PCDH7: variants seen among roughly 807,000 people sequenced by gnomAD.
PCDH7 encodes the protein protocadherin 7, also known as protocadherin-7.
In PCDH7, 17 loss-of-function variants were observed where a neutral mutation model predicts 58.9. The ratio of observed to expected loss-of-function variants is 0.29; its 90% CI spans 0.20 to 0.43. The LOEUF is 0.43. Among genes scored for constraint, PCDH7 ranks in the 20% least tolerant of loss-of-function variants. The pLI, the probability that PCDH7 is intolerant of heterozygous loss-of-function variation, is 1.00. For synonymous variants in PCDH7, 664 were observed against 616.4 expected (o/e 1.08, Z -1.14); for missense variants, 1,274 against 1,441.0 (o/e 0.88, Z 1.88).
At chr4:30,749,955 C>T (rs374062738) in intron 1 of PCDH7, among the ~76,000 whole-genome samples, 3 of 152,046 alleles carry the variant, frequency 2.0e-5, no homozygotes, top group African/African-American at 4.8e-5. Context: ...TCTATTTACA[C>T]AGTTCTGGAG....
chr4:31,069,794 T>C (rs1758391600), intron 3 of PCDH7, among the ~76,000 whole-genome samples: 1 of 151,914 alleles, frequency 6.6e-6, no homozygotes, highest in South Asian at 2.1e-4. Context: ...TAAGTATTAA[T>C]CCATAAGATA....
At chr4:30,809,377 T>C (rs1431160817) in intron 1 of PCDH7, among the ~76,000 whole-genome samples, 2 of 152,116 alleles carry the variant, frequency 1.3e-5, no homozygotes, top group Non-Finnish European at 1.5e-5. Context: ...ATTCCTGACC[T>C]TGTTATTTTG....
chr4:31,035,072 AT>A (rs1326965410), intron 3 of PCDH7, among the ~76,000 whole-genome samples: 1 of 152,172 alleles, frequency 6.6e-6, no homozygotes, highest in Non-Finnish European at 1.5e-5. Context: ...GAAAATTAGA[AT>A]TCAGGTCACT....
intron 3 of PCDH7, among the ~76,000 whole-genome samples, chr4:30,967,648 C>A (rs1236682654): frequency 6.6e-6 from 1 of 152,078 alleles, no homozygotes. Flanking sequence ...TTCTCTCGCT[C>A]CCATGAAATT....
chr4:30,929,463 T>C (rs558941755), intron 2 of PCDH7, among the ~76,000 whole-genome samples: 2 of 152,314 alleles, frequency 1.3e-5, no homozygotes, highest in Admixed American at 6.5e-5. Flanking sequence ...CCAGAAAATA[T>C]AATTGTAAGT....
intron 3 of PCDH7, among the ~76,000 whole-genome samples, chr4:30,951,787 C>T (rs557581904): frequency 6.6e-6 from 1 of 152,246 alleles, no homozygotes; most frequent in East Asian, 1.9e-4. Context: ...GACAAGATCA[C>T]TCAGGATTGA....
intron 1 of PCDH7, among the ~76,000 whole-genome samples, chr4:30,832,184 C>CG (rs1729889080): frequency 1.3e-5 from 2 of 152,122 alleles, no homozygotes; most frequent in African/African-American, 4.8e-5. Context: ...AACCTGGTTT[C>CG]GGCTAGAAAG....
chr4:30,860,995 A>G (rs1734125800), intron 1 of PCDH7, among the ~76,000 whole-genome samples: 1 of 152,202 alleles, frequency 6.6e-6, no homozygotes, highest in Non-Finnish European at 1.5e-5. Context: ...TATATTTTAT[A>G]ATACATTAAA....
At chr4:30,838,879 A>C (rs571656209) in intron 1 of PCDH7, among the ~76,000 whole-genome samples, 29 of 152,194 alleles carry the variant, frequency 1.9e-4, no homozygotes, top group Non-Finnish European at 4.1e-4. Flanking sequence ...CACATGTTGA[A>C]AAATCTAACT....
rs560133583 is a variant in PCDH7, at chr4:31,103,438, A to G, written c.*8-39035A>G. Among the ~76,000 whole-genome samples the G allele has an allele frequency of 2.6e-5, 4 of 151,738 alleles. No homozygotes were observed. The South Asian group carries it at 8.3e-4, about 32-fold the overall frequency. Reference sequence around the variant, plus strand: ...CACTGCAACCTCCACCTCCCAGTTCAATTCTCGTGCCTCAGCCTCCCAAGT... The same window carrying G: ...CACTGCAACCTCCACCTCCCAGTTCGATTCTCGTGCCTCAGCCTCCCAAGT... On this transcript the variant is annotated intron_variant, in intron 3 of 3. Coordinates refer to the PCDH7 transcript ENST00000509759.
chr4:30,754,182 G>T (rs1718961132), intron 1 of PCDH7, among the ~76,000 whole-genome samples: 1 of 139,848 alleles, frequency 7.2e-6, no homozygotes, highest in African/African-American at 3.1e-5. Flanking sequence ...GTGTGTGTGT[G>T]TGTGTGTTTT....
At chr4:30,734,288 A>G (rs1340924961), downstream of PCDH7, among the ~76,000 whole-genome samples, 2 of 151,004 alleles carry the variant, frequency 1.3e-5, no homozygotes, top group Non-Finnish European at 2.9e-5. Context: ...GCTGGAGTGC[A>G]GCAGCACAGT....
At chr4:31,004,053 AAGG>A (rs550038739) in intron 3 of PCDH7, among the ~76,000 whole-genome samples, 131 of 152,280 alleles carry the variant, frequency 8.6e-4, no homozygotes, top group Non-Finnish European at 3.1e-4. Context: ...TAAAGTCTCC[AAGG>A]AGAAGAGCTT....
chr4:30,904,257 C>T (rs1043755525), intron 1 of PCDH7, among the ~76,000 whole-genome samples: 3 of 152,230 alleles, frequency 2.0e-5, no homozygotes, highest in South Asian at 4.2e-4. Context: ...AATGCAAAAT[C>T]GGCCTCACTA....
intron 3 of PCDH7, among the ~76,000 whole-genome samples, chr4:31,089,803 A>T (rs1034426632): frequency 6.6e-6 from 1 of 152,130 alleles, no homozygotes; most frequent in Non-Finnish European, 1.5e-5. Context: ...GAGAACCATC[A>T]ACTAACTCTC....
At chr4:30,944,486 A>C (rs541538457) in intron 2 of PCDH7, among the ~76,000 whole-genome samples, 2 of 152,282 alleles carry the variant, frequency 1.3e-5, no homozygotes, top group South Asian at 2.1e-4. Context: ...TATAATTTTT[A>C]AAGTGTAAAG....
At chr4:31,038,510 A>C (rs889269270) in intron 3 of PCDH7, among the ~76,000 whole-genome samples, 4 of 152,120 alleles carry the variant, frequency 2.6e-5, no homozygotes, top group Admixed American at 2.0e-4. Context: ...AGCAGAAAAT[A>C]AATAGAGTTT....
intron 3 of PCDH7, among the ~76,000 whole-genome samples, chr4:31,070,688 T>A (rs1758473036): frequency 6.6e-6 from 1 of 152,072 alleles, no homozygotes; most frequent in Non-Finnish European, 1.5e-5. Context: ...TCTTCCCAAA[T>A]ATAGAATTGT....
At chr4:31,018,895 C>T (rs1753812704) in intron 3 of PCDH7, among the ~76,000 whole-genome samples, 1 of 152,080 alleles carries the variant, frequency 6.6e-6, no homozygotes, top group Non-Finnish European at 1.5e-5. Flanking sequence ...TATCTCTAGC[C>T]TTGCTTTTTC....
Sources: allele counts gnomAD v4.1 joint callset (sites outside exome capture counted in the v4.1 genomes callset), GRCh38; gene constraint gnomAD v4.1.1; transcripts MANE v1.5; gene names NCBI Gene and HGNC (gene_info 2026-07-23, HGNC 2026-07-21).